Variants in SCML1 observed in about 807,000 individuals in gnomAD.
The protein encoded by SCML1 is Scm polycomb group protein like 1, also known as sex comb on midleg-like protein 1.
For missense variants in SCML1, 137 were observed against 258.1 expected (o/e 0.53, Z 3.22); for synonymous variants, 104 against 103.6 (o/e 1.00, Z -0.02).
chrX:17,742,566 G>A (rs920162918), intron 1 of SCML1, among the ~76,000 whole-genome samples: 2 of 111,890 alleles, frequency 1.8e-5, no homozygotes, highest in Admixed American at 1.9e-4. Flanking sequence ...AGTTTATTTT[G>A]GAACATCTGG....
intron 1 of SCML1, among the ~76,000 whole-genome samples, chrX:17,739,470 T>C (rs1233589708): frequency 1.8e-5 from 2 of 111,459 alleles, no homozygotes; most frequent in African/African-American, 6.5e-5. Flanking sequence ...TTGTAGAATC[T>C]AGTCATGGTT....
chrX:17,746,143 G>T (rs1257850100), intron 4 of SCML1, 45 bp downstream of exon 4: 2 of 809,647 alleles, frequency 2.5e-6, no homozygotes, highest in Non-Finnish European at 3.6e-6. Context: ...AAAATGTTAA[G>T]CAAAAATTCT....
chrX:17,747,575 TTC>T (rs2066654582), intron 4 of SCML1, among the ~76,000 whole-genome samples: 1 of 111,670 alleles, frequency 9.0e-6, no homozygotes, highest in Non-Finnish European at 1.9e-5. Context: ...GGCGAGGGCC[TTC>T]TCATGTTTTA....
In SCML1 at chrX:17,748,077, G is replaced by A. The variant is rs183001037; in HGVS notation, c.199-1323G>A. Among the ~76,000 whole-genome samples the A allele has an allele frequency of 9.4e-4, 105 of 111,791 alleles. 1 individual carries two copies. Among genetic ancestry groups the A allele is most frequent in the Middle Eastern group, 4.6e-3 (1 of 218 alleles). On this transcript the variant is annotated intron_variant, in intron 4 of 7. Coordinates refer to ENST00000380041, the MANE Select transcript of SCML1 (RefSeq NM_001037540.3). ...CAGAGTTCCAGGTTCCATAGGTCTG[G>A]GGTACAACCTGGCATTTGGCATTTC...
At position 17,749,797 on chromosome X, in the gene SCML1, G is replaced by A. The variant is rs1032530185; in HGVS notation, c.304-97G>A. 3.8e-6 allele frequency: 3 copies of A among 792,913 alleles called. No individual in the cohort carries two copies. In the African/African-American group the frequency reaches 6.3e-5, roughly 17 times the overall value. The allele number at this position is 792,913 out of a possible 1,213,427, so 65.3% of individuals were successfully genotyped here. ...GACCATTTATTTTTAATAATGTAAA[G>A]CAATGTTGCATGGAAAATAAGTATT... On this transcript the variant is annotated intron_variant, in intron 5 of 7. Transcript: ENST00000380041.
chrX:17,742,826 C>T (rs1487578132), intron 1 of SCML1, among the ~76,000 whole-genome samples: 1 of 112,167 alleles, frequency 8.9e-6, no homozygotes, highest in Non-Finnish European at 1.9e-5. Flanking sequence ...ACAGTAACTA[C>T]AGTAGACCTA....
rs770651574 is a variant in SCML1 at position 17,750,198 on chromosome X, A to G, written c.608A>G (p.Tyr203Cys). Reference sequence around the variant, plus strand: ...TATTATGCATCTGATGGTGCAACGTATGGTTCTTCTTCAGGGCTCTGCCTT... The same window carrying G: ...TATTATGCATCTGATGGTGCAACGTGTGGTTCTTCTTCAGGGCTCTGCCTT... ...QPYYASDGAT[Y>C]GSSSGLCLGN... The change falls in exon 6 of 8, where the codon TAT (tyrosine) becomes TGT (cysteine). Residue 203 changes from tyrosine to cysteine, a missense_variant. Physicochemically the swap from Tyr to Cys is radical, Grantham distance 194. Coordinates refer to ENST00000380041, the MANE Select transcript of SCML1 (RefSeq NM_001037540.3). The G allele has an allele frequency of 2.4e-5, 29 of 1,210,294 alleles. No individual in the cohort carries two copies. In the South Asian group the frequency reaches 4.6e-4, roughly 19 times the overall value.
At chrX:17,751,308 T>C (rs1475630329) in intron 6 of SCML1, among the ~76,000 whole-genome samples, 2 of 112,217 alleles carry the variant, frequency 1.8e-5, no homozygotes, top group African/African-American at 6.5e-5. Context: ...GGGGTTGTTA[T>C]TGAGATTCAT....
chrX:17,745,442 TA>T lies in SCML1; in HGVS notation c.34-11del. The T allele has an allele frequency of 1.9e-6, 2 of 1,041,455 alleles. No homozygotes were observed. The highest frequency in any genetic ancestry group is 2.7e-6 in the Non-Finnish European group (2 of 749,775). The allele number at this position is 1,041,455 out of a possible 1,213,427, so 85.8% of individuals were successfully genotyped here. ...TTCATCTTCCCTTTTAATTTGTTGG[TA>T]AATTTTCCTCAGATAAAAACAAGAA... On this transcript the variant is annotated splice_polypyrimidine_tract_variant and intron_variant, in intron 2 of 7. Transcript: ENST00000380041.
At chrX:17,742,136 T>C (rs756691833) in intron 1 of SCML1, among the ~76,000 whole-genome samples, 45 of 111,860 alleles carry the variant, frequency 4.0e-4, no homozygotes, top group African/African-American at 1.3e-3. Flanking sequence ...CAGAGAGTTT[T>C]TTTTATAAAT....
chrX:17,754,908 C>T lies in SCML1; in HGVS notation c.*1516C>T, dbSNP rs1601883706. ...AGATGCTGTACCCACTTGAACAGTC[C>T]TCAGGTGTTTACATAAATACTATGT... On this transcript the variant is annotated 3_prime_UTR_variant, in exon 8 of 8. Coordinates refer to ENST00000380041, the MANE Select transcript of SCML1 (RefSeq NM_001037540.3). 8.9e-6 allele frequency: 1 copy of T among 112,798 alleles called. No homozygotes were observed. Among genetic ancestry groups the T allele is most frequent in the African/African-American group, 3.2e-5 (1 of 30,977 alleles). 9.3% of individuals were successfully genotyped at this position (112,798 alleles called of 1,213,427 possible). A position where few individuals can be genotyped will look rare whatever the true frequency, so the allele number is the denominator to read the frequency against.
intron 1 of SCML1, among the ~76,000 whole-genome samples, chrX:17,740,789 T>C (rs1874332787): frequency 8.9e-6 from 1 of 112,429 alleles, no homozygotes; most frequent in Non-Finnish European, 1.9e-5. Flanking sequence ...TGAAGTTGAA[T>C]AGATTCTCCT....
chrX:17,748,854 T>C (rs1468967075), intron 4 of SCML1, among the ~76,000 whole-genome samples: 1 of 112,400 alleles, frequency 8.9e-6, no homozygotes, highest in African/African-American at 3.2e-5. Flanking sequence ...AGATGTGTAC[T>C]TAACGGTTTT....
rs1322309988 is a variant in SCML1 at position 17,745,655 on chromosome X, C to T, written c.117+116C>T. Reference sequence around the variant, plus strand: ...ACTCACACTCAAGAAAATATCTCTCCCCTGAATTTGTATGCTTGCTTTCAT... The same window carrying T: ...ACTCACACTCAAGAAAATATCTCTCTCCTGAATTTGTATGCTTGCTTTCAT... On this transcript the variant is annotated intron_variant, in intron 3 of 7. Coordinates refer to ENST00000380041, the MANE Select transcript of SCML1 (RefSeq NM_001037540.3). The T allele has an allele frequency of 6.9e-6, 3 of 436,445 alleles. No individual in the cohort carries two copies. The African/African-American group carries it at 7.6e-5, about 11-fold the overall frequency. 36.0% of individuals were successfully genotyped at this position (436,445 alleles called of 1,213,427 possible).
chrX:17,746,621 A>T (rs1328008672), intron 4 of SCML1, among the ~76,000 whole-genome samples: 1 of 112,367 alleles, frequency 8.9e-6, no homozygotes, highest in African/African-American at 3.2e-5. Context: ...AATGTTTCTT[A>T]CCATATATAA....
chrX:17,754,039 A>T lies in SCML1; in HGVS notation c.*647A>T, dbSNP rs2066739622. The T allele has an allele frequency of 8.9e-6, 1 of 112,189 alleles. No homozygotes were observed. Among genetic ancestry groups the T allele is most frequent in the African/African-American group, 3.2e-5 (1 of 30,950 alleles). The allele number at this position is 112,189 out of a possible 1,213,427, so 9.2% of individuals were successfully genotyped here. A position where few individuals can be genotyped will look rare whatever the true frequency, so the allele number is the denominator to read the frequency against. On this transcript the variant is annotated 3_prime_UTR_variant, in exon 8 of 8. Transcript: ENST00000380041. Reference sequence around the variant, plus strand: ...ATAGGATAGATAGAATGGTTATTTTATGCAAGAAATATTGTACCGCAAGGG... The same window carrying T: ...ATAGGATAGATAGAATGGTTATTTTTTGCAAGAAATATTGTACCGCAAGGG...
intron 7 of SCML1, among the ~76,000 whole-genome samples, chrX:17,752,644 A>G (rs1407921072): frequency 2.7e-5 from 3 of 112,502 alleles, no homozygotes; most frequent in Non-Finnish European, 5.6e-5. Flanking sequence ...AAGTTGATCA[A>G]TTAAGATAAG....
intron 1 of SCML1, among the ~76,000 whole-genome samples, chrX:17,743,460 A>G (rs1337818202): frequency 1.8e-5 from 2 of 112,393 alleles, no homozygotes; most frequent in Non-Finnish European, 3.8e-5. Context: ...TTCTAGTTCC[A>G]TAGTAAAGTG....
intron 2 of SCML1, 117 bp from the exon 3 acceptor site, chrX:17,745,339 T>C (rs958360652): frequency 8.4e-6 from 4 of 477,076 alleles, no homozygotes; most frequent in Non-Finnish European, 1.5e-5. Flanking sequence ...GCAAAGGTCC[T>C]TTGATATCAC....
Sources: gnomAD v4.1 joint callset for allele counts (sites outside exome capture counted in the v4.1 genomes callset) on GRCh38, gnomAD v4.1.1 for gene constraint, MANE v1.5 for transcripts, NCBI Gene and HGNC (gene_info 2026-07-23, HGNC 2026-07-21) for gene names.